Variants in JPH3 observed in about 807,000 individuals in gnomAD.
The protein encoded by JPH3 is junctophilin-3.
JPH3 carries 11 observed loss-of-function variants against 59.6 expected under a neutral mutation model. That is an observed-to-expected ratio of 0.18 (90% CI 0.12 to 0.31). The LOEUF (loss-of-function observed/expected upper bound fraction) is 0.31, where lower values mean the gene tolerates loss of function less well. Among genes scored for constraint, JPH3 ranks in the 10% least tolerant of loss-of-function variants. JPH3 has a pLI of 1.00. For synonymous variants in JPH3, 673 were observed against 483.6 expected (o/e 1.39, Z -5.14); for missense variants, 1,202 against 1,105.7 (o/e 1.09, Z -1.24).
At chr16:87,688,473 CT>C (rs1281343605) in intron 3 of JPH3, among the ~76,000 whole-genome samples, 2 of 133,256 alleles carry the variant, frequency 1.5e-5, no homozygotes, top group African/African-American at 4.1e-5. Context: ...AAAGGTCAGA[CT>C]GGGGTACAGG....
intron 1 of JPH3, among the ~76,000 whole-genome samples, chr16:87,641,709 C>T (rs2031958881): frequency 6.6e-6 from 1 of 152,280 alleles, no homozygotes; most frequent in Non-Finnish European, 1.5e-5. Context: ...GTGCCACCAT[C>T]TCTTGGAGTG....
Position 87,614,494 on chromosome 16 carries a change from G to A in JPH3, c.382+10966G>A, listed in dbSNP as rs146823524. On this transcript the variant is annotated intron_variant, in intron 1 of 4. Transcript: ENST00000284262. The stretch of plus-strand genomic sequence containing the variant: ...TCCCTGCACACACGAGGGTCCGCGC[G>A]TCCCCCGCAGGATAAACGCAGGTCC... Among the ~76,000 whole-genome samples the A allele has an allele frequency of 1.6e-3, 232 of 145,648 alleles. 3 individuals are homozygous for A. The highest frequency in any genetic ancestry group is 5.5e-3 in the African/African-American group (213 of 38,830).
chr16:87,672,309 C>G (rs1363575562), intron 2 of JPH3, among the ~76,000 whole-genome samples: 1 of 152,174 alleles, frequency 6.6e-6, no homozygotes, highest in African/African-American at 2.4e-5. Flanking sequence ...CTCCCTACTC[C>G]CAGAAACAAG....
intron 2 of JPH3, among the ~76,000 whole-genome samples, chr16:87,674,978 T>A (rs1281720731): frequency 6.6e-6 from 1 of 152,102 alleles, no homozygotes; most frequent in Admixed American, 6.5e-5. Context: ...GCCAGGCTGG[T>A]CTTGAACTCC....
intron 2 of JPH3, chr16:87,654,002 C>G (rs1380020347): frequency 1.3e-5 from 2 of 152,274 alleles, no homozygotes; most frequent in Non-Finnish European, 2.9e-5. Context: ...GATCACTCTA[C>G]TCCATTGTGT....
At chr16:87,681,713 G>A (rs1465645996) in intron 2 of JPH3, among the ~76,000 whole-genome samples, 3 of 152,300 alleles carry the variant, frequency 2.0e-5, no homozygotes, top group South Asian at 4.1e-4. Context: ...TGTTCCGGAA[G>A]GTCAAGTGCA....
intron 1 of JPH3, among the ~76,000 whole-genome samples, chr16:87,633,831 G>T (rs532387377): frequency 6.6e-6 from 1 of 152,026 alleles, no homozygotes; most frequent in South Asian, 2.1e-4. Flanking sequence ...TGGTAGTAAC[G>T]ATGTAGGGGA....
At chr16:87,686,978 G>A (rs1472044538) in intron 3 of JPH3, among the ~76,000 whole-genome samples, 2 of 152,216 alleles carry the variant, frequency 1.3e-5, no homozygotes, top group Non-Finnish European at 2.9e-5. Context: ...GGTCCGATCT[G>A]CCACCTCTTT....
At chr16:87,678,660 A>G (rs180922175) in intron 2 of JPH3, among the ~76,000 whole-genome samples, 1 of 152,136 alleles carries the variant, frequency 6.6e-6, no homozygotes, top group African/African-American at 2.4e-5. Flanking sequence ...CTCACTTCCA[A>G]CTTCTTGGAA....
intron 3 of JPH3, among the ~76,000 whole-genome samples, chr16:87,685,333 C>A (rs7205544): frequency 2.0e-5 from 3 of 152,142 alleles, no homozygotes; most frequent in African/African-American, 7.2e-5. Context: ...TCCACTGCGT[C>A]CCCTCCACTC....
intron 3 of JPH3, among the ~76,000 whole-genome samples, chr16:87,688,557 C>A (rs953668354): frequency 6.6e-6 from 1 of 151,958 alleles, no homozygotes; most frequent in Admixed American, 6.5e-5. Context: ...GCGTGAGAGA[C>A]TCTAAGATGG....
chr16:87,648,324 A>T (rs991911893), intron 2 of JPH3, among the ~76,000 whole-genome samples: 1 of 152,130 alleles, frequency 6.6e-6, no homozygotes, highest in Non-Finnish European at 1.5e-5. Flanking sequence ...AGGCGCCCAC[A>T]GCCCCAGGGC....
At chr16:87,640,669 A>G (rs949099923) in intron 1 of JPH3, among the ~76,000 whole-genome samples, 22 of 152,168 alleles carry the variant, frequency 1.4e-4, no homozygotes, top group African/African-American at 5.1e-4. Flanking sequence ...CTGGGATTAC[A>G]AGCATGAGCC....
In JPH3 at chr16:87,651,077, T is replaced by C. The variant is rs7184947; in HGVS notation, c.1160+6042T>C. On this transcript the variant is annotated intron_variant, in intron 2 of 4. Coordinates refer to ENST00000284262, the MANE Select transcript of JPH3 (RefSeq NM_020655.4). Reference sequence around the variant, plus strand: ...AATGTTAACTTGAAGCCAGTGTTCATTGAACATTCCAAAAATCCTAGGGCC... The same window carrying C: ...AATGTTAACTTGAAGCCAGTGTTCACTGAACATTCCAAAAATCCTAGGGCC... 6.5e-3 allele frequency among the ~76,000 whole-genome samples: 994 copies of C among 152,340 alleles called. 11 individuals are homozygous for C. The highest frequency in any genetic ancestry group is 0.023 in the African/African-American group (943 of 41,570).
chr16:87,615,941 G>A (rs1452925986), intron 1 of JPH3, among the ~76,000 whole-genome samples: 4 of 152,206 alleles, frequency 2.6e-5, no homozygotes, highest in Non-Finnish European at 5.9e-5. Context: ...CGAGCTCTGA[G>A]CGACAGGAGG....
At chr16:87,661,372 C>T (rs2032697340) in intron 2 of JPH3, among the ~76,000 whole-genome samples, 1 of 152,266 alleles carries the variant, frequency 6.6e-6, no homozygotes, top group Admixed American at 6.5e-5. Context: ...GGGATCAAAA[C>T]AGGGACATCT....
intron 1 of JPH3, chr16:87,604,930 G>C (rs776025043): frequency 2.2e-6 from 1 of 450,734 alleles, no homozygotes; most frequent in South Asian, 1.6e-5. Flanking sequence ...CTGGGGCGCT[G>C]AGGGCCGGGC....
intron 2 of JPH3, among the ~76,000 whole-genome samples, chr16:87,668,020 T>G (rs746032480): frequency 6.6e-6 from 1 of 152,180 alleles, no homozygotes; most frequent in Non-Finnish European, 1.5e-5. Flanking sequence ...CAGAAACTTA[T>G]CTTCTGGCTT....
At chr16:87,620,786 G>A (rs551036918) in intron 1 of JPH3, among the ~76,000 whole-genome samples, 1 of 152,332 alleles carries the variant, frequency 6.6e-6, no homozygotes, top group African/African-American at 2.4e-5. Flanking sequence ...CTGTTGGGGC[G>A]GCACTGGGCC....
Sources: allele counts gnomAD v4.1 joint callset (sites outside exome capture counted in the v4.1 genomes callset), GRCh38; gene constraint gnomAD v4.1.1; transcripts MANE v1.5; gene names NCBI Gene and HGNC (gene_info 2026-07-23, HGNC 2026-07-21).